The following CYP3A43 variants were observed in gnomAD, a reference collection of about 807,000 sequenced individuals.
CYP3A43 encodes cytochrome P450 family 3 subfamily A member 43, also known as cytochrome P450 3A43.
CYP3A43 carries 45 observed loss-of-function variants against 58.0 expected under a neutral mutation model. That is an observed-to-expected ratio of 0.78 (90% CI 0.61 to 0.99). CYP3A43 has a LOEUF of 0.99. CYP3A43 is among the 50% of genes least tolerant of loss of function. CYP3A43 has a pLI of 0.00. For synonymous variants in CYP3A43, 191 were observed against 201.4 expected (o/e 0.95, Z 0.44); for missense variants, 593 against 591.9 (o/e 1.00, Z -0.02).
intron 7 of CYP3A43, among the ~76,000 whole-genome samples, chr7:99,854,203 T>A (rs995038567): frequency 1.3e-5 from 2 of 151,592 alleles, no homozygotes; most frequent in African/African-American, 4.9e-5. Context: ...CTACTCTCTA[T>A]GTCCATGAGT....
chr7:99,865,443 A>G (rs1692903813), intron 12 of CYP3A43, among the ~76,000 whole-genome samples: 1 of 148,780 alleles, frequency 6.7e-6, no homozygotes, highest in Admixed American at 6.6e-5. Flanking sequence ...AGTTGGATGG[A>G]GTTAGTGAAT....
chr7:99,850,079 C>A, intron 7 of CYP3A43: 2 of 426,568 alleles, frequency 4.7e-6, no homozygotes, highest in South Asian at 3.3e-5. Context: ...GCCTCAGCCT[C>A]CTGAGGAGCT....
At chr7:99,855,867 A>C (rs1038882338) in intron 8 of CYP3A43, 149 bp downstream of exon 8, 1 of 892,384 alleles carries the variant, frequency 1.1e-6, no homozygotes, top group Non-Finnish European at 1.7e-6. Flanking sequence ...CTGGGAATAA[A>C]GAAGGTGAAG....
Position 99,855,828 on chromosome 7 carries a change from C to T in CYP3A43, c.798+110C>T, listed in dbSNP as rs538738952. 8.0e-6 allele frequency: 10 copies of T among 1,247,668 alleles called. No homozygotes were observed. The South Asian group carries it at 1.2e-4, about 14-fold the overall frequency. 77.3% of individuals were successfully genotyped at this position (1,247,668 alleles called of 1,614,324 possible). A position where few individuals can be genotyped will look rare whatever the true frequency, so the allele number is the denominator to read the frequency against. On this transcript the variant is annotated intron_variant, in intron 8 of 12. Transcript: ENST00000354829. ...GTGTTTTTTAAAGGCAGCTAGAGAACTTTAGACCAAGAGGGTTTTTACATT... is the reference window on the plus strand; with the variant it reads ...GTGTTTTTTAAAGGCAGCTAGAGAATTTTAGACCAAGAGGGTTTTTACATT...
chr7:99,857,461 G>A (rs775540510), intron 9 of CYP3A43, among the ~76,000 whole-genome samples: 6 of 152,014 alleles, frequency 3.9e-5, no homozygotes, highest in Non-Finnish European at 8.8e-5. Flanking sequence ...TATGATGGTC[G>A]CAAAATAATG....
At chr7:99,832,685 T>C (rs1445660867) in intron 1 of CYP3A43, among the ~76,000 whole-genome samples, 1 of 150,694 alleles carries the variant, frequency 6.6e-6, no homozygotes, top group Non-Finnish European at 1.5e-5. Flanking sequence ...AAACTTAAAG[T>C]ATAATAATAA....
chr7:99,855,744 G>A, intron 8 of CYP3A43, 26 bp downstream of exon 8: 1 of 1,578,258 alleles, frequency 6.3e-7, no homozygotes, highest in Non-Finnish European at 8.6e-7. Flanking sequence ...GGTGACATGA[G>A]AATGTTCACT....
rs367758015 is a variant in CYP3A43, at chr7:99,855,009, A to G, written c.671-582A>G. Among the ~76,000 whole-genome samples, 26 of 151,980 alleles carry G rather than the reference A, an allele frequency of 1.7e-4. No homozygotes were observed. The East Asian group carries it at 3.7e-3, about 22-fold the overall frequency. On this transcript the variant is annotated intron_variant, in intron 7 of 12. Transcript: ENST00000354829. ...AAGCGATTCTCATGACTGGGTCCCA[A>G]GTAGCTGGGACTACAGGCACATGCC...
At chr7:99,863,217 A>G (rs1407448016) in intron 11 of CYP3A43, among the ~76,000 whole-genome samples, 2 of 152,224 alleles carry the variant, frequency 1.3e-5, no homozygotes, top group Admixed American at 1.3e-4. Flanking sequence ...TGAAGAAATA[A>G]CCTGTAAATA....
At chr7:99,844,052 AT>A (rs1817445499) in intron 3 of CYP3A43, 90 bp from the exon 4 acceptor site, 37 of 971,888 alleles carry the variant, frequency 3.8e-5, no homozygotes, top group Non-Finnish European at 4.8e-5. Context: ...GGATGATGGA[AT>A]GTCAGGATCA....
chr7:99,861,507 A>G (rs559444431), intron 10 of CYP3A43, 106 bp from the exon 11 acceptor site: 2 of 934,240 alleles, frequency 2.1e-6, no homozygotes, highest in Non-Finnish European at 3.2e-6. Context: ...CTTTTACCAG[A>G]ATGAATTATT....
At chr7:99,860,368 T>C (rs1340463672) in intron 10 of CYP3A43, among the ~76,000 whole-genome samples, 3 of 152,236 alleles carry the variant, frequency 2.0e-5, no homozygotes, top group African/African-American at 7.2e-5. Context: ...TGATGGAACC[T>C]GGCCCTGGGT....
At chr7:99,839,288 TAACA>T (rs773839325) in intron 3 of CYP3A43, 116 bp downstream of exon 3, 6 of 1,245,918 alleles carry the variant, frequency 4.8e-6, no homozygotes, top group Admixed American at 3.6e-5. Flanking sequence ...TCAACCTAAG[TAACA>T]AACAGAGAGA....
At chr7:99,843,151 A>G (rs749618560) in intron 3 of CYP3A43, among the ~76,000 whole-genome samples, 9 of 152,198 alleles carry the variant, frequency 5.9e-5, no homozygotes, top group Non-Finnish European at 1.0e-4. Context: ...TCACATGCAA[A>G]ATGCAGATTT....
chr7:99,836,598 C>T (rs779221635), intron 2 of CYP3A43, 52 bp downstream of exon 2: 22 of 1,357,360 alleles, frequency 1.6e-5, no homozygotes, highest in Non-Finnish European at 2.1e-5. Flanking sequence ...CAAACCCAAG[C>T]TTAGTCCTAT....
chr7:99,850,551 C>T (rs1365845098), intron 7 of CYP3A43, among the ~76,000 whole-genome samples: 1 of 152,108 alleles, frequency 6.6e-6, no homozygotes, highest in East Asian at 1.9e-4. Context: ...CCTTCCTCAC[C>T]TTTTTTATGT....
intron 12 of CYP3A43, among the ~76,000 whole-genome samples, chr7:99,865,052 T>G (rs1309376551): frequency 1.3e-5 from 2 of 148,436 alleles, no homozygotes; most frequent in Non-Finnish European, 2.9e-5. Context: ...CAATCTTATT[T>G]GTGGCTTTAG....
chr7:99,858,327 G>T (rs1818076680), intron 9 of CYP3A43, among the ~76,000 whole-genome samples: 1 of 152,004 alleles, frequency 6.6e-6, no homozygotes, highest in Non-Finnish European at 1.5e-5. Context: ...CACTCATCTT[G>T]TATTGTTTTC....
At chr7:99,838,618 AAGTGACTTTAAATTCTCC>A in intron 2 of CYP3A43, 1 of 1,256,682 alleles carries the variant, frequency 8.0e-7, no homozygotes, top group Non-Finnish European at 1.0e-6. Context: ...GAAAATTTAA[AAGTGACTTTAAATTCTCC>A]ATTTCAAATA....
Sources: allele counts gnomAD v4.1 joint callset (sites outside exome capture counted in the v4.1 genomes callset), GRCh38; gene constraint gnomAD v4.1.1; transcripts MANE v1.5; gene names NCBI Gene and HGNC (gene_info 2026-07-23, HGNC 2026-07-21).